SUMO3: variants seen among roughly 807,000 people sequenced by gnomAD.
The protein encoded by SUMO3 is small ubiquitin-related modifier 3.
A neutral mutation model predicts 11.1 loss-of-function variants in SUMO3; 2 were observed. That is an observed-to-expected ratio of 0.18 (90% CI 0.07 to 0.57). The LOEUF is 0.57. SUMO3 is among the 20% of genes least tolerant of loss of function. The pLI is 0.92. For synonymous variants in SUMO3, 56 were observed against 53.5 expected, an observed-to-expected ratio of 1.05 and a Z score of -0.20; for missense variants, 70 against 132.8, an observed-to-expected ratio of 0.53 and a Z score of 2.32.
At chr21:44,809,633 C>A (rs574110764) in intron 2 of SUMO3, among the ~76,000 whole-genome samples, 2 of 152,208 alleles carry the variant, frequency 1.3e-5, no homozygotes, top group Non-Finnish European at 2.9e-5. Context: ...ACATACGAAA[C>A]CCAGGTGAGG....
intron 1 of SUMO3, among the ~76,000 whole-genome samples, chr21:44,814,460 G>C (rs2083232114): frequency 6.6e-6 from 1 of 152,230 alleles, no homozygotes; most frequent in South Asian, 2.1e-4. Context: ...CCAGTACTTT[G>C]GGAGTTGACG....
In SUMO3 at chr21:44,811,360, G is replaced by A. The variant is rs977496626; in HGVS notation, c.151-2242C>T. ...AGACCGAGGCAGAAGGATCACTTAA[G>A]CCCAGGAATTCCAGACCAGCCTGGA... On this transcript the variant is annotated intron_variant, in intron 2 of 3. Coordinates refer to ENST00000332859, the MANE Select transcript of SUMO3 (RefSeq NM_006936.3). This position sits in a 1 kb window ranked among gnomAD's most constrained non-coding sequence, Gnocchi z 5.0. Among the ~76,000 whole-genome samples the A allele has an allele frequency of 4.6e-5, 7 of 152,150 alleles. No individual in the cohort carries two copies. The highest frequency in any genetic ancestry group is 1.7e-4 in the African/African-American group (7 of 41,440).
intron 3 of SUMO3, chr21:44,808,304 A>C: frequency 3.0e-6 from 1 of 328,830 alleles, no homozygotes; most frequent in Non-Finnish European, 5.5e-6. Flanking sequence ...CAAGGTCAGG[A>C]GATCGAGACC....
chr21:44,813,799 C>CT (rs2083227212), intron 2 of SUMO3, 177 bp downstream of exon 2: 2 of 1,504,886 alleles, frequency 1.3e-6, no homozygotes, highest in African/African-American at 2.8e-5. Flanking sequence ...CCATGGGGGA[C>CT]AAGCCCAGCC....
At chr21:44,813,842 C>T in intron 2 of SUMO3, 134 bp downstream of exon 2, 1 of 1,556,958 alleles carries the variant, frequency 6.4e-7, no homozygotes, top group African/African-American at 1.4e-5. Flanking sequence ...CCCCCGCCTG[C>T]CCATCCACGA....
chr21:44,808,047 TC>T (rs1175845878), intron 3 of SUMO3, among the ~76,000 whole-genome samples: 1 of 152,214 alleles, frequency 6.6e-6, no homozygotes, highest in Non-Finnish European at 1.5e-5. Context: ...CAAAAATATT[TC>T]CACATAAAAC....
At chr21:44,816,896 G>T (rs1439228954) in intron 1 of SUMO3, among the ~76,000 whole-genome samples, 1 of 142,510 alleles carries the variant, frequency 7.0e-6, no homozygotes, top group East Asian at 2.2e-4. Context: ...CACTATAGGG[G>T]GCGTGATGGG....
Position 44,811,274 on chromosome 21 carries a change from ACAAT to A in SUMO3, c.151-2160_151-2157del, listed in dbSNP as rs926044761. Reference sequence around the variant, plus strand: ...TAAAAAATACTACTACCTTCAGAAAACAATCAATTGCTACTGAGGATGGGTGCGG... The same window carrying A: ...TAAAAAATACTACTACCTTCAGAAAACAATTGCTACTGAGGATGGGTGCGG... On this transcript the variant is annotated intron_variant, in intron 2 of 3. Transcript: ENST00000332859. The surrounding 1 kb of genome is among the most constrained non-coding windows in gnomAD (Gnocchi z 5.0). Among the ~76,000 whole-genome samples the A allele has an allele frequency of 3.7e-4, 57 of 152,336 alleles. No individual in the cohort carries two copies. The highest frequency in any genetic ancestry group is 1.3e-3 in the African/African-American group (55 of 41,576).
chr21:44,817,938 C>T lies in SUMO3; in HGVS notation c.21+10G>A. The T allele has an allele frequency of 1.9e-6, 2 of 1,048,276 alleles. No homozygotes were observed. The highest frequency in any genetic ancestry group is 2.2e-6 in the Non-Finnish European group (2 of 891,762). 64.9% of individuals were successfully genotyped at this position (1,048,276 alleles called of 1,614,324 possible). A position where few individuals can be genotyped will look rare whatever the true frequency, so the allele number is the denominator to read the frequency against. ...ATAGACGCGCGTGCAGGCGGGGTCG[C>T]CGCGCTTACCTTGGGCTTCTCCTCG... On this transcript the variant is annotated intron_variant, in intron 1 of 3. Transcript: ENST00000332859.
chr21:44,817,665 C>A (rs1439529968), intron 1 of SUMO3, among the ~76,000 whole-genome samples: 1 of 150,548 alleles, frequency 6.6e-6, no homozygotes, highest in Non-Finnish European at 1.5e-5. Context: ...ACCGGGCGCT[C>A]AAGGAGGCGC....
chr21:44,808,328 TGGTGAAACCCC>T (rs1199043844), intron 3 of SUMO3: 1 of 380,778 alleles, frequency 2.6e-6, no homozygotes, highest in Non-Finnish European at 4.7e-6. Context: ...CTGGCTAACA[TGGTGAAACCCC>T]GTCTCTACTA....
intron 1 of SUMO3, among the ~76,000 whole-genome samples, chr21:44,814,731 G>A (rs779343609): frequency 2.8e-4 from 42 of 152,156 alleles, no homozygotes; most frequent in Non-Finnish European, 5.1e-4. Flanking sequence ...GCTCCTTCTC[G>A]CTGCCCTGAC....
rs569035186 is a variant in SUMO3 at position 44,813,735 on chromosome 21, A to T, written c.150+241T>A. 3.7e-6 allele frequency: 5 copies of T among 1,352,852 alleles called. No individual in the cohort carries two copies. The African/African-American group carries it at 5.8e-5, about 16-fold the overall frequency. The allele number at this position is 1,352,852 out of a possible 1,614,324, so 83.8% of individuals were successfully genotyped here. On this transcript the variant is annotated intron_variant, in intron 2 of 3. Coordinates refer to ENST00000332859, the MANE Select transcript of SUMO3 (RefSeq NM_006936.3). ...ACCCCGGGCAGCCGCCCTGTCAGGA[A>T]GAAAAACCCACCACACTTCTCCGAG...
intron 2 of SUMO3, among the ~76,000 whole-genome samples, chr21:44,812,766 C>T (rs1224136928): frequency 1.3e-5 from 2 of 152,220 alleles, no homozygotes; most frequent in Admixed American, 1.3e-4. Flanking sequence ...AGAGCCCCCC[C>T]CACATGTACA....
At chr21:44,813,642 A>G (rs2083226296) in intron 2 of SUMO3, 2 of 651,176 alleles carry the variant, frequency 3.1e-6, no homozygotes, top group Non-Finnish European at 5.2e-6. Flanking sequence ...GCCAGACCTG[A>G]GCAGGGCCCC....
At chr21:44,817,755 GGCACA>G (rs775608571) in intron 1 of SUMO3, among the ~76,000 whole-genome samples, 188 bp downstream of exon 1, 2 of 148,624 alleles carry the variant, frequency 1.3e-5, no homozygotes, top group African/African-American at 2.5e-5. Context: ...CGGAGCTCGC[GGCACA>G]GCGCGCTTCG....
At chr21:44,817,639 C>T (rs1340111360) in intron 1 of SUMO3, among the ~76,000 whole-genome samples, 1 of 151,314 alleles carries the variant, frequency 6.6e-6, no homozygotes, top group African/African-American at 2.4e-5. Flanking sequence ...GCAGGAGCAG[C>T]AGCGCGGGGC....
chr21:44,816,655 A>G (rs2083245199), intron 1 of SUMO3, among the ~76,000 whole-genome samples: 1 of 152,112 alleles, frequency 6.6e-6, no homozygotes, highest in Non-Finnish European at 1.5e-5. Flanking sequence ...CTTTTTATGA[A>G]CACTGGAGAA....
intron 3 of SUMO3, chr21:44,808,656 C>T: frequency 1.5e-6 from 2 of 1,375,812 alleles, no homozygotes; most frequent in Non-Finnish European, 1.9e-6. Flanking sequence ...GGTTATGGCA[C>T]ATTCTGCCCA....
Sources: allele counts gnomAD v4.1 joint callset (sites outside exome capture counted in the v4.1 genomes callset), GRCh38; gene constraint gnomAD v4.1.1; non-coding constraint Gnocchi (gnomAD v3.1); transcripts MANE v1.5; gene names NCBI Gene and HGNC (gene_info 2026-07-23, HGNC 2026-07-21).